Variants in KCNB2 observed in about 807,000 individuals in gnomAD.
KCNB2 encodes the protein delayed rectifier potassium channel protein.
A neutral mutation model predicts 61.5 loss-of-function variants in KCNB2; 15 were observed. That is an observed-to-expected ratio of 0.24 (90% confidence interval 0.16 to 0.38). KCNB2 has a LOEUF of 0.38. Among genes scored for constraint, KCNB2 ranks in the 10% least tolerant of loss-of-function variants. The pLI is 1.00. For missense variants in KCNB2, 828 were observed against 1,125.2 expected, an observed-to-expected ratio of 0.74 and a Z score of 3.78; for synonymous variants, 457 against 446.0, an observed-to-expected ratio of 1.02 and a Z score of -0.31.
intron 2 of KCNB2, among the ~76,000 whole-genome samples, chr8:72,665,390 G>A (rs980702446): frequency 2.0e-5 from 3 of 152,134 alleles, no homozygotes; most frequent in Non-Finnish European, 4.4e-5. Context: ...TGGGGAAGTC[G>A]GATGGGGAGG....
intron 1 of KCNB2, among the ~76,000 whole-genome samples, chr8:72,552,855 C>T (rs1457824604): frequency 1.3e-5 from 2 of 152,110 alleles, no homozygotes; most frequent in Non-Finnish European, 2.9e-5. Flanking sequence ...GTCTCACATC[C>T]ACTTTTCCCA....
At chr8:72,547,031 T>C (rs2128976929) in intron 1 of KCNB2, among the ~76,000 whole-genome samples, 1 of 152,308 alleles carries the variant, frequency 6.6e-6, no homozygotes, top group African/African-American at 2.4e-5. Flanking sequence ...ATTGCTTACT[T>C]TCTATTCTGA....
At chr8:72,694,224 A>C (rs1479821953) in intron 2 of KCNB2, among the ~76,000 whole-genome samples, 1 of 152,200 alleles carries the variant, frequency 6.6e-6, no homozygotes, top group Non-Finnish European at 1.5e-5. Flanking sequence ...AAAGCCCTTT[A>C]CTTTGCATAA....
intron 2 of KCNB2, among the ~76,000 whole-genome samples, chr8:72,784,065 A>C (rs930760490): frequency 3.9e-5 from 6 of 152,208 alleles, no homozygotes; most frequent in Non-Finnish European, 8.8e-5. Flanking sequence ...ACTGTGTTTT[A>C]AAATATTTAA....
At chr8:72,583,948 C>CAAAAAAA (rs71566823) in intron 2 of KCNB2, among the ~76,000 whole-genome samples, 17 of 100,818 alleles carry the variant, frequency 1.7e-4, no homozygotes, top group African/African-American at 4.1e-4. Flanking sequence ...AATAGAATAT[C>CAAAAAAA]AAAAAAAAAA....
chr8:72,680,966 G>C (rs968184269), intron 2 of KCNB2, among the ~76,000 whole-genome samples: 1 of 152,162 alleles, frequency 6.6e-6, no homozygotes, highest in African/African-American at 2.4e-5. Context: ...GCTCACAATT[G>C]TATGCCCTCT....
At chr8:72,896,717 C>G (rs958122286) in intron 2 of KCNB2, among the ~76,000 whole-genome samples, 1 of 152,004 alleles carries the variant, frequency 6.6e-6, no homozygotes, top group African/African-American at 2.4e-5. Flanking sequence ...CTCAGAAATT[C>G]CCTTTCTCAC....
intron 2 of KCNB2, among the ~76,000 whole-genome samples, chr8:72,887,835 TTCTC>T (rs965853359): frequency 1.6e-4 from 25 of 152,288 alleles, no homozygotes; most frequent in African/African-American, 4.8e-4. Context: ...GCCCTACACT[TTCTC>T]TCTGCCCAGA....
intron 2 of KCNB2, among the ~76,000 whole-genome samples, chr8:72,660,406 C>T (rs1234286093): frequency 6.6e-6 from 1 of 152,304 alleles, no homozygotes; most frequent in South Asian, 2.1e-4. Flanking sequence ...GGATGCTGGA[C>T]CTGACTTCCT....
chr8:72,704,095 T>A (rs1437476895), intron 2 of KCNB2, among the ~76,000 whole-genome samples: 2 of 152,176 alleles, frequency 1.3e-5, no homozygotes, highest in East Asian at 3.9e-4. Flanking sequence ...ATAATGTCAG[T>A]GACCATGAAA....
chr8:72,773,558 A>G (rs73686509), intron 2 of KCNB2, among the ~76,000 whole-genome samples: 5,000 of 152,224 alleles, frequency 0.033, 195 homozygotes, highest in African/African-American at 0.088. Flanking sequence ...GAGATAGTAG[A>G]GGTTTTGCTC....
intron 2 of KCNB2, among the ~76,000 whole-genome samples, chr8:72,754,030 GA>G (rs1300375075): frequency 6.6e-6 from 1 of 152,102 alleles, no homozygotes; most frequent in African/African-American, 2.4e-5. Context: ...GTCTCCCTGG[GA>G]AAGTACAAAG....
chr8:72,818,145 G>C (rs1395220050), intron 2 of KCNB2, among the ~76,000 whole-genome samples: 1 of 151,894 alleles, frequency 6.6e-6, no homozygotes, highest in Non-Finnish European at 1.5e-5. Context: ...TCTATTTCTA[G>C]GCAAGGGAAA....
At chr8:72,629,685 T>C (rs541035318) in intron 2 of KCNB2, among the ~76,000 whole-genome samples, 1 of 152,070 alleles carries the variant, frequency 6.6e-6, no homozygotes, top group East Asian at 1.9e-4. Context: ...AAAATTGGAG[T>C]GCTGTCACTA....
intron 2 of KCNB2, among the ~76,000 whole-genome samples, chr8:72,717,779 A>G (rs1807471344): frequency 6.6e-6 from 1 of 152,204 alleles, no homozygotes; most frequent in African/African-American, 2.4e-5. Flanking sequence ...TAAAACACCA[A>G]AAGCAATGGC....
chr8:72,835,141 C>T (rs774435086), intron 2 of KCNB2, among the ~76,000 whole-genome samples: 3 of 152,198 alleles, frequency 2.0e-5, no homozygotes, highest in African/African-American at 7.2e-5. Context: ...CAAATTCTGA[C>T]CAAAACCACT....
intron 2 of KCNB2, among the ~76,000 whole-genome samples, chr8:72,710,747 A>T (rs1203712211): frequency 6.6e-6 from 1 of 152,204 alleles, no homozygotes; most frequent in Non-Finnish European, 1.5e-5. Context: ...ATTTCTTAAG[A>T]TGTTATTAAA....
intron 2 of KCNB2, among the ~76,000 whole-genome samples, chr8:72,916,727 G>GTCCC (rs1806408668): frequency 6.6e-6 from 1 of 152,154 alleles, no homozygotes; most frequent in South Asian, 2.1e-4. Flanking sequence ...AATGAAAGTG[G>GTCCC]CTCTCAGCAG....
At chr8:72,831,078 A>T (rs1809685505) in intron 2 of KCNB2, among the ~76,000 whole-genome samples, 1 of 152,220 alleles carries the variant, frequency 6.6e-6, no homozygotes. Context: ...TTCTGCTTTA[A>T]CAACTACTCA....
Sources: gnomAD v4.1 joint callset for allele counts (sites outside exome capture counted in the v4.1 genomes callset) on GRCh38, gnomAD v4.1.1 for gene constraint, MANE v1.5 for transcripts, NCBI Gene and HGNC (gene_info 2026-07-23, HGNC 2026-07-21) for gene names.